The following NEDD1 variants were observed in gnomAD, a reference collection of about 807,000 sequenced individuals.
The protein encoded by NEDD1 is protein NEDD1.
Under a neutral mutation model 74.0 loss-of-function variants are expected in NEDD1, and 33 were observed. The observed-to-expected ratio is 0.45, with a 90% CI of 0.34 to 0.60. NEDD1 has a LOEUF of 0.60. NEDD1 is among the 20% of genes least tolerant of loss of function. The pLI, the probability that NEDD1 is intolerant of heterozygous loss-of-function variation, is 0.01. For missense variants in NEDD1, 746 were observed against 776.5 expected (o/e 0.96, Z 0.47); for synonymous variants, 250 against 264.4 (o/e 0.95, Z 0.53).
intron 2 of NEDD1, among the ~76,000 whole-genome samples, chr12:96,908,166 T>C (rs1031258874): frequency 2.0e-5 from 3 of 152,208 alleles, no homozygotes; most frequent in African/African-American, 7.2e-5. Flanking sequence ...AATCCAAACA[T>C]TGTGTTACAT....
rs779646995 is a variant in NEDD1 at position 96,936,680 on chromosome 12, G to A, written c.789G>A (p.Leu263=). The part of the protein sequence containing the change: ...AVDFMPDGAT[L]AIGSSRGKIY... ...ATTTCATGCCTGATGGAGCCACTTT[G>A]GCTATTGGATCTTCCCGGGGGAAAA... Residue 263 remains leucine (L), a synonymous_variant, in exon 8 of 16, where the codon TTG becomes TTA. Coordinates refer to ENST00000266742, the MANE Select transcript of NEDD1 (RefSeq NM_152905.4). 2.5e-6 allele frequency: 4 copies of A among 1,613,666 alleles called. No homozygotes were observed. Among genetic ancestry groups the A allele is most frequent in the Non-Finnish European group, 3.4e-6 (4 of 1,179,684 alleles).
At position 96,944,623 on chromosome 12, in the gene NEDD1, T is replaced by G. The variant is rs1878009568; in HGVS notation, c.1498-16T>G. 8.7e-6 allele frequency: 13 copies of G among 1,502,744 alleles called. No homozygotes were observed. Among genetic ancestry groups the G allele is most frequent in the Non-Finnish European group, 1.2e-5 (13 of 1,106,010 alleles). 93.1% of individuals were successfully genotyped at this position (1,502,744 alleles called of 1,614,324 possible). Reference sequence around the variant, plus strand: ...AAAATTGTATATTAAAGTCATTATTTATTTTAAATATAAAGTTAGCAAAGT... The same window carrying G: ...AAAATTGTATATTAAAGTCATTATTGATTTTAAATATAAAGTTAGCAAAGT... On this transcript the variant is annotated splice_polypyrimidine_tract_variant and intron_variant, in intron 12 of 15. Transcript: ENST00000266742.
rs2136530449 is a variant in NEDD1, at chr12:96,920,020, T to C, written c.384T>C (p.Asn128=). 6.2e-7 allele frequency: 1 copy of C among 1,605,398 alleles called. No homozygotes were observed. Among genetic ancestry groups the C allele is most frequent in the African/African-American group, 1.3e-5 (1 of 74,802 alleles). ...ATCAAGTAACTTGTGTAACATACAA[T>C]TGGAATGATTGCTACATTGCTTCTG... ...HKDQVTCVTY[N]WNDCYIASGS... is the part of the protein sequence containing the mutation. The change falls in exon 6 of 16, where the codon AAT becomes AAC. Residue 128 remains asparagine (N), a synonymous_variant. Coordinates refer to ENST00000266742, the MANE Select transcript of NEDD1 (RefSeq NM_152905.4).
At position 96,952,151 on chromosome 12, in the gene NEDD1, A is replaced by C. The variant is rs1878772613; in HGVS notation, c.*98A>C. 8.9e-6 allele frequency: 6 copies of C among 675,208 alleles called. No homozygotes were observed. In the South Asian group the frequency reaches 1.0e-4, roughly 12 times the overall value. The allele number at this position is 675,208 out of a possible 1,614,324, so 41.8% of individuals were successfully genotyped here. A position where few individuals can be genotyped will look rare whatever the true frequency, so the allele number is the denominator to read the frequency against. ...TTGTTTTCATGGCCTCCAGGGAAAAAATGTTTTTCAAGTAAGAGTAAAAGG... is the reference window on the plus strand; with the variant it reads ...TTGTTTTCATGGCCTCCAGGGAAAACATGTTTTTCAAGTAAGAGTAAAAGG... On this transcript the variant is annotated 3_prime_UTR_variant, in exon 16 of 16. Coordinates refer to ENST00000266742, the MANE Select transcript of NEDD1 (RefSeq NM_152905.4).
chr12:96,952,786 G>A lies in NEDD1; in HGVS notation c.*733G>A, dbSNP rs1351181375. The A allele has an allele frequency of 1.3e-5, 2 of 151,634 alleles. No homozygotes were observed. The highest frequency in any genetic ancestry group is 4.8e-5 in the African/African-American group (2 of 41,380). 9.4% of individuals were successfully genotyped at this position (151,634 alleles called of 1,614,324 possible). On this transcript the variant is annotated 3_prime_UTR_variant, in exon 16 of 16. Coordinates refer to ENST00000266742, the MANE Select transcript of NEDD1 (RefSeq NM_152905.4). ...CTGGTGATTTTCTCATTAGTAACAT[G>A]CAACGTTGTACTGCAAAATTTCAAT...
Position 96,951,578 on chromosome 12 carries a change from A to G in NEDD1, c.1878+80A>G, listed in dbSNP as rs533860020. 1.7e-4 allele frequency: 128 copies of G among 753,082 alleles called. No individual in the cohort carries two copies. The South Asian group carries it at 2.3e-3, about 13-fold the overall frequency. The allele number at this position is 753,082 out of a possible 1,614,324, so 46.6% of individuals were successfully genotyped here. ...TTTTTAAAAATCCATGAAAGGTAAT[A>G]TATTTTAGTTGTTTTGTTTAGTTTC... On this transcript the variant is annotated intron_variant, in intron 15 of 15. Coordinates refer to ENST00000266742, the MANE Select transcript of NEDD1 (RefSeq NM_152905.4).
chr12:96,910,705 G>GC (rs1365091159), intron 3 of NEDD1, among the ~76,000 whole-genome samples: 3 of 152,184 alleles, frequency 2.0e-5, no homozygotes, highest in African/African-American at 7.2e-5. Context: ...AACGTTTCCA[G>GC]AATTGCCTGA....
At chr12:96,907,516 T>G in intron 1 of NEDD1, 88 bp from the exon 2 acceptor site, 23 of 1,072,386 alleles carry the variant, frequency 2.1e-5, no homozygotes, top group Non-Finnish European at 3.0e-5. Context: ...CCCGGAGCCT[T>G]GTGGGGTGTG....
intron 4 of NEDD1, among the ~76,000 whole-genome samples, chr12:96,916,230 TTTA>T (rs140210892): frequency 0.011 from 1,632 of 145,400 alleles, 17 homozygotes; most frequent in Middle Eastern, 0.025. Flanking sequence ...CCGTTGAAGA[TTTA>T]TTATTATTAT....
chr12:96,945,783 C>A lies in NEDD1; in HGVS notation c.1745C>A (p.Ala582Glu), dbSNP rs2136618570. The A allele has an allele frequency of 6.2e-7, 1 of 1,610,988 alleles. No homozygotes were observed. The highest frequency in any genetic ancestry group is 8.5e-7 in the Non-Finnish European group (1 of 1,177,194). Residue 582 changes from alanine to glutamate, a missense_variant, in exon 14 of 16, where the codon GCA (alanine) becomes GAA (glutamate). Ala to Glu is a moderately radical substitution (Grantham distance 107). Coordinates refer to ENST00000266742, the MANE Select transcript of NEDD1 (RefSeq NM_152905.4). ...ADSIGNNRQNAPLTSIQIRFI... is the reference protein window; with the variant it reads ...ADSIGNNRQNEPLTSIQIRFI... Reference sequence around the variant, plus strand: ...AGCATTGGAAATAACCGGCAAAATGCACCATTGACTTCCATTCAAATTCGT... The same window carrying A: ...AGCATTGGAAATAACCGGCAAAATGAACCATTGACTTCCATTCAAATTCGT...
intron 6 of NEDD1, among the ~76,000 whole-genome samples, chr12:96,934,323 A>C (rs1876858020): frequency 6.6e-6 from 1 of 151,602 alleles, no homozygotes; most frequent in African/African-American, 2.4e-5. Context: ...TCAATGTATT[A>C]TATTTTTCCT....
Position 96,923,788 on chromosome 12 carries a change from T to TGTGTGTG in NEDD1, c.489+3663_489+3664insGTGTGTG, listed in dbSNP as rs1875373530. On this transcript the variant is annotated intron_variant, in intron 6 of 15. Transcript: ENST00000266742. ...TGCTGTTTTACTCCTTAATACCTGT[T>TGTGTGTG]TGTGTGTGTGTGTGTGTGTGTGTGT... is the stretch of plus-strand genomic sequence containing the variant. Among the ~76,000 whole-genome samples, 70 of 142,358 alleles carry TGTGTGTG rather than the reference T, an allele frequency of 4.9e-4. No individual in the cohort carries two copies. In the Middle Eastern group the frequency reaches 0.015, roughly 30 times the overall value. The allele number at this position is 142,358 out of a possible 152,430, so 93.4% of individuals were successfully genotyped here.
chr12:96,917,421 AT>A (rs1022337993), intron 4 of NEDD1, among the ~76,000 whole-genome samples, 199 bp from the exon 5 acceptor site: 1 of 152,118 alleles, frequency 6.6e-6, no homozygotes, highest in Non-Finnish European at 1.5e-5. Flanking sequence ...TCCTTGAAGC[AT>A]TTTTGACCCC....
At chr12:96,937,518 T>C (rs1877254503) in intron 9 of NEDD1, 125 bp downstream of exon 9, 1 of 462,284 alleles carries the variant, frequency 2.2e-6, no homozygotes, top group Non-Finnish European at 3.8e-6. Flanking sequence ...AGTACTTAGG[T>C]AAAATTAGTA....
chr12:96,912,110 A>G (rs1293878391), intron 3 of NEDD1, among the ~76,000 whole-genome samples: 4 of 141,278 alleles, frequency 2.8e-5, no homozygotes, highest in Non-Finnish European at 5.9e-5. Flanking sequence ...AAATAAAATT[A>G]CATTTTATTT....
chr12:96,915,620 G>A (rs1263689751), intron 4 of NEDD1, among the ~76,000 whole-genome samples: 3 of 152,174 alleles, frequency 2.0e-5, no homozygotes, highest in Non-Finnish European at 4.4e-5. Flanking sequence ...ATGCACTGTG[G>A]AAGTTCCAAC....
intron 6 of NEDD1, among the ~76,000 whole-genome samples, chr12:96,931,658 C>T (rs1281602776): frequency 6.6e-6 from 1 of 152,068 alleles, no homozygotes; most frequent in East Asian, 1.9e-4. Context: ...AAATGTCTAA[C>T]ATGATATTAT....
chr12:96,932,084 A>G (rs1161417459), intron 6 of NEDD1, among the ~76,000 whole-genome samples: 1 of 151,906 alleles, frequency 6.6e-6, no homozygotes, highest in Non-Finnish European at 1.5e-5. Context: ...AGTGAGTGGT[A>G]TGTTTTTTAT....
chr12:96,932,999 CTT>C (rs759478137), intron 6 of NEDD1, among the ~76,000 whole-genome samples: 27 of 135,148 alleles, frequency 2.0e-4, no homozygotes, highest in Middle Eastern at 3.9e-3. Context: ...TATCTTTAGC[CTT>C]TTTTTTTTTT....
Sources: gnomAD v4.1 joint callset for allele counts (sites outside exome capture counted in the v4.1 genomes callset) on GRCh38, gnomAD v4.1.1 for gene constraint, MANE v1.5 for transcripts, NCBI Gene and HGNC (gene_info 2026-07-23, HGNC 2026-07-21) for gene names.